Variants in RASAL2 observed in about 807,000 individuals in gnomAD.
The protein encoded by RASAL2 is ras GTPase-activating protein nGAP.
Under a neutral mutation model 128.9 loss-of-function variants are expected in RASAL2, and 58 were observed. The observed-to-expected ratio is 0.45, with a 90% confidence interval of 0.36 to 0.56. The LOEUF (loss-of-function observed/expected upper bound fraction) is 0.56, where lower values mean the gene tolerates loss of function less well. Ranked by LOEUF, RASAL2 falls within the 20% of genes least tolerant of loss-of-function variation. RASAL2 has a pLI of 0.00. For synonymous variants in RASAL2, 561 were observed against 580.8 expected, an observed-to-expected ratio of 0.97 and a Z score of 0.49; for missense variants, 1,360 against 1,601.6, an observed-to-expected ratio of 0.85 and a Z score of 2.57.
intron 5 of RASAL2, among the ~76,000 whole-genome samples, chr1:178,431,543 G>A (rs1337129055): frequency 1.3e-5 from 2 of 152,050 alleles, no homozygotes; most frequent in Non-Finnish European, 2.9e-5. Flanking sequence ...AAATTTAAAT[G>A]CATATGCCCT....
At chr1:178,439,088 A>C (rs761602852) in intron 5 of RASAL2, among the ~76,000 whole-genome samples, 1 of 152,096 alleles carries the variant, frequency 6.6e-6, no homozygotes, top group African/African-American at 2.4e-5. Flanking sequence ...AACCTTAAAG[A>C]GTATATATTT....
chr1:178,140,981 C>G (rs1462843760), intron 1 of RASAL2, among the ~76,000 whole-genome samples: 1 of 152,182 alleles, frequency 6.6e-6, no homozygotes. Flanking sequence ...AGAAGGGCAG[C>G]AGGCACATCA....
chr1:178,266,936 G>A (rs1021128277), intron 1 of RASAL2, among the ~76,000 whole-genome samples: 4 of 152,154 alleles, frequency 2.6e-5, no homozygotes, highest in Admixed American at 6.5e-5. Flanking sequence ...GGTAGGAATC[G>A]CCATGCTGGG....
At chr1:178,252,732 A>C (rs1406654717) in intron 1 of RASAL2, among the ~76,000 whole-genome samples, 1 of 152,222 alleles carries the variant, frequency 6.6e-6, no homozygotes, top group Non-Finnish European at 1.5e-5. Flanking sequence ...GATGCAAGAA[A>C]ATCCTGAAAT....
chr1:178,439,536 A>G lies in RASAL2; in HGVS notation c.789A>G (p.Pro263=). Residue 263 remains proline, a synonymous_variant, in exon 6 of 18, where the codon CCA becomes CCG. Transcript: ENST00000367649. ...GAGGGGAACCTGTATCAGTGAAACC[A>G]CTTCATAGTAGCATCCTTGGACAAG... is the stretch of plus-strand genomic sequence containing the variant. ...LGRGEPVSVK[P]LHSSILGQDF... 4 of 1,612,902 alleles carry G rather than the reference A, an allele frequency of 2.5e-6. No homozygotes were observed. Among genetic ancestry groups the G allele is most frequent in the Non-Finnish European group, 3.4e-6 (4 of 1,179,282 alleles).
intron 1 of RASAL2, among the ~76,000 whole-genome samples, chr1:178,187,488 G>T (rs954667500): frequency 9.2e-5 from 14 of 152,004 alleles, no homozygotes; most frequent in African/African-American, 3.4e-4. Flanking sequence ...CATTTCAGTA[G>T]GTATTGTACC....
intron 1 of RASAL2, among the ~76,000 whole-genome samples, chr1:178,139,609 G>A (rs1398297749): frequency 6.6e-6 from 1 of 151,952 alleles, no homozygotes; most frequent in Non-Finnish European, 1.5e-5. Context: ...ACCTATGATA[G>A]GTGAAGAAAC....
chr1:178,341,868 A>G (rs1669900124), intron 3 of RASAL2, among the ~76,000 whole-genome samples: 3 of 152,322 alleles, frequency 2.0e-5, no homozygotes, highest in African/African-American at 4.8e-5. Flanking sequence ...ATAGCAAAAT[A>G]TTAACACTGC....
chr1:178,352,022 C>G (rs528631351), intron 3 of RASAL2, among the ~76,000 whole-genome samples: 273 of 152,312 alleles, frequency 1.8e-3, no homozygotes, highest in Middle Eastern at 0.01. Context: ...ACATCAGAAT[C>G]ATCTGAATCA....
intron 1 of RASAL2, among the ~76,000 whole-genome samples, chr1:178,276,078 A>C (rs1252335134): frequency 1.3e-5 from 2 of 152,232 alleles, no homozygotes; most frequent in African/African-American, 4.8e-5. Flanking sequence ...CTTAGTATCC[A>C]TATTACTCAT....
At chr1:178,454,967 T>A (rs921183833) in intron 12 of RASAL2, among the ~76,000 whole-genome samples, 10 of 152,132 alleles carry the variant, frequency 6.6e-5, no homozygotes, top group African/African-American at 2.4e-4. Flanking sequence ...CTTATGCATG[T>A]CTAATAGGAT....
At chr1:178,108,843 G>A (rs1441367985) in intron 1 of RASAL2, among the ~76,000 whole-genome samples, 1 of 152,168 alleles carries the variant, frequency 6.6e-6, no homozygotes, top group East Asian at 1.9e-4. Flanking sequence ...TCATCGAGTT[G>A]TATAAGTTTT....
intron 1 of RASAL2, among the ~76,000 whole-genome samples, chr1:178,236,445 C>G (rs1484685381): frequency 6.6e-6 from 1 of 152,120 alleles, no homozygotes; most frequent in Non-Finnish European, 1.5e-5. Flanking sequence ...TGTAGAATGT[C>G]TAATAATCAC....
chr1:178,413,865 A>T (rs1043221483), intron 4 of RASAL2, among the ~76,000 whole-genome samples: 8 of 152,354 alleles, frequency 5.3e-5, no homozygotes, highest in African/African-American at 1.9e-4. Context: ...CTGTAGCAGA[A>T]ATGAAGAATG....
intron 1 of RASAL2, among the ~76,000 whole-genome samples, chr1:178,182,265 A>T (rs895274666): frequency 2.6e-5 from 4 of 152,206 alleles, no homozygotes; most frequent in Admixed American, 2.6e-4. Context: ...CCATCATTGT[A>T]CCTTTGTTTG....
chr1:178,173,913 T>TA (rs373439890), intron 1 of RASAL2, among the ~76,000 whole-genome samples: 111,245 of 142,984 alleles, frequency 0.78, 43,810 homozygotes, highest in Non-Finnish European at 0.88. Flanking sequence ...TTTTTTTTTT[T>TA]TAAAAAAGTT....
At chr1:178,422,041 T>C (rs1675177541) in intron 5 of RASAL2, among the ~76,000 whole-genome samples, 1 of 152,038 alleles carries the variant, frequency 6.6e-6, no homozygotes, top group Admixed American at 6.6e-5. Context: ...AGAACAAAAA[T>C]GTTGTGCAGC....
chr1:178,468,470 A>C (rs2102957070), intron 17 of RASAL2, among the ~76,000 whole-genome samples: 1 of 152,348 alleles, frequency 6.6e-6, no homozygotes, highest in South Asian at 2.1e-4. Context: ...TTCCTTACAG[A>C]GTCCATGTGG....
chr1:178,365,564 C>T (rs998875198), intron 3 of RASAL2, among the ~76,000 whole-genome samples: 14 of 152,080 alleles, frequency 9.2e-5, no homozygotes, highest in African/African-American at 3.1e-4. Context: ...CTCTGCCTCC[C>T]GGCATCAAGT....
Sources: allele counts gnomAD v4.1 joint callset (sites outside exome capture counted in the v4.1 genomes callset), GRCh38; gene constraint gnomAD v4.1.1; transcripts MANE v1.5; gene names NCBI Gene and HGNC (gene_info 2026-07-23, HGNC 2026-07-21).